Variants in WDR7 observed in about 807,000 individuals in gnomAD.
WDR7 encodes the protein WD repeat-containing protein 7.
Under a neutral mutation model 169.4 loss-of-function variants are expected in WDR7, and 46 were observed. That is an observed-to-expected ratio of 0.27 (90% CI 0.21 to 0.35). WDR7 has a LOEUF of 0.35. WDR7 is among the 10% of genes least tolerant of loss of function. The probability of loss-of-function intolerance (pLI) is 1.00; values close to 1 mark genes in which losing one functional copy is unlikely to be tolerated. For synonymous variants in WDR7, 612 were observed against 666.8 expected, an observed-to-expected ratio of 0.92 and a Z score of 1.27; for missense variants, 1,534 against 1,859.3, an observed-to-expected ratio of 0.83 and a Z score of 3.22.
intron 19 of WDR7, among the ~76,000 whole-genome samples, chr18:56,807,734 A>AAACTC (rs1328184464): frequency 7.4e-5 from 11 of 148,860 alleles, no homozygotes; most frequent in African/African-American, 2.7e-4. Flanking sequence ...ACAAAGATCA[A>AAACTC]AACTCGTGTT....
intron 19 of WDR7, among the ~76,000 whole-genome samples, chr18:56,794,910 A>G (rs1006599829): frequency 9.2e-5 from 14 of 152,058 alleles, no homozygotes; most frequent in Admixed American, 6.6e-4. Flanking sequence ...TTAGGTTTGT[A>G]GTGTGATGAG....
intron 1 of WDR7, among the ~76,000 whole-genome samples, chr18:56,666,830 A>G (rs1413685089): frequency 6.6e-6 from 1 of 151,958 alleles, no homozygotes; most frequent in Admixed American, 6.6e-5. Context: ...ATATCCACCC[A>G]AATAAAAAAT....
chr18:56,994,016 CTT>C (rs35579782), intron 26 of WDR7, among the ~76,000 whole-genome samples: 125 of 129,186 alleles, frequency 9.7e-4, no homozygotes, highest in Middle Eastern at 4.0e-3. Flanking sequence ...CTTTTTTTTT[CTT>C]TTTTTTTTTT....
rs1377617964 is a variant in WDR7, at chr18:56,686,895, A to T, written c.638A>T (p.Tyr213Phe). 1.2e-6 allele frequency: 2 copies of T among 1,609,976 alleles called. No individual in the cohort carries two copies. Among genetic ancestry groups the T allele is most frequent in the Non-Finnish European group, 1.7e-6 (2 of 1,176,566 alleles). The part of the protein sequence containing the change: ...PIFEEESKPI[Y>F]CQNCQSISFC... ...TTTGAGGAGGAATCCAAACCAATTT[A>T]TTGTCAGAATTGCCAAAGCATCTCT... is the stretch of plus-strand genomic sequence containing the variant. The change falls in exon 7 of 28, where the codon TAT becomes TTT. Residue 213 changes from tyrosine (Y) to phenylalanine (F), a missense_variant. Physicochemically the swap from Tyr to Phe is conservative, Grantham distance 22 (BLOSUM62 3). Coordinates refer to ENST00000254442, the MANE Select transcript of WDR7 (RefSeq NM_015285.3).
At chr18:56,874,480 T>A (rs562137597) in intron 20 of WDR7, among the ~76,000 whole-genome samples, 352 of 152,154 alleles carry the variant, frequency 2.3e-3, no homozygotes, top group African/African-American at 8.0e-3. Context: ...CTAGAAGATA[T>A]TTTAATTATT....
At chr18:56,905,719 A>G (rs1050960203) in intron 21 of WDR7, among the ~76,000 whole-genome samples, 5 of 151,834 alleles carry the variant, frequency 3.3e-5, no homozygotes, top group African/African-American at 1.2e-4. Context: ...CTGAGAATCC[A>G]GGAGCGATTT....
intron 12 of WDR7, among the ~76,000 whole-genome samples, chr18:56,716,796 T>G (rs2026201811): frequency 6.6e-6 from 1 of 152,220 alleles, no homozygotes; most frequent in Non-Finnish European, 1.5e-5. Context: ...CACAGCATTC[T>G]AAAGGTTCTT....
At chr18:56,712,387 T>C (rs1433668104) in intron 12 of WDR7, among the ~76,000 whole-genome samples, 2 of 152,248 alleles carry the variant, frequency 1.3e-5, no homozygotes, top group African/African-American at 4.8e-5. Context: ...TCAGCACTAC[T>C]GAGGATTATT....
intron 27 of WDR7, among the ~76,000 whole-genome samples, chr18:57,023,801 A>C (rs1221369642): frequency 6.6e-6 from 1 of 152,174 alleles, no homozygotes; most frequent in Non-Finnish European, 1.5e-5. Flanking sequence ...TCTTACCACC[A>C]CTGTCCAGCA....
chr18:56,733,258 C>T (rs2026627045), intron 14 of WDR7, among the ~76,000 whole-genome samples: 1 of 152,110 alleles, frequency 6.6e-6, no homozygotes, highest in African/African-American at 2.4e-5. Context: ...GAAGCTGAAG[C>T]TGCAGGAGGA....
rs193024149 is a variant in WDR7, at chr18:57,000,006, A to C, written c.4165-20739A>C. Among the ~76,000 whole-genome samples, 1,300 of 152,256 alleles carry C rather than the reference A, an allele frequency of 8.5e-3. 15 individuals are homozygous for C. Among genetic ancestry groups the C allele is most frequent in the African/African-American group, 0.03 (1,233 of 41,534 alleles). ...ACAAATTCCTATCCTCTGGACCTGG[A>C]ACAGTGCTGCAGCTGGCCAGCGTAC... On this transcript the variant is annotated intron_variant, in intron 26 of 27. Transcript: ENST00000254442.
chr18:56,913,498 G>T (rs1176486157), intron 21 of WDR7, among the ~76,000 whole-genome samples: 1 of 151,544 alleles, frequency 6.6e-6, no homozygotes, highest in Non-Finnish European at 1.5e-5. Flanking sequence ...TTTTAATCTA[G>T]AATTCAGACA....
At chr18:56,880,268 A>C in intron 21 of WDR7, 103 bp downstream of exon 21, 1 of 1,146,962 alleles carries the variant, frequency 8.7e-7, no homozygotes, top group Non-Finnish European at 1.2e-6. Flanking sequence ...TAGCTCATTT[A>C]GATTGCTTGC....
At chr18:56,739,691 T>C (rs2043584368) in intron 14 of WDR7, among the ~76,000 whole-genome samples, 2 of 152,106 alleles carry the variant, frequency 1.3e-5, no homozygotes, top group Non-Finnish European at 2.9e-5. Flanking sequence ...TTGCTGATTA[T>C]AGATTTTTAG....
chr18:56,721,072 G>GA (rs1484559771), intron 13 of WDR7, among the ~76,000 whole-genome samples: 2 of 151,842 alleles, frequency 1.3e-5, no homozygotes, highest in Non-Finnish European at 2.9e-5. Flanking sequence ...AATGAAGCTA[G>GA]AAAAAATCAG....
chr18:56,857,148 G>C lies in WDR7; in HGVS notation c.3305-22796G>C, dbSNP rs17090386. ...AAACATTCAGAGTAATTACCTTTCT[G>C]TGTTTTTTATACTAGAGTGGAAGGA... On this transcript the variant is annotated intron_variant, in intron 20 of 27. Coordinates refer to ENST00000254442, the MANE Select transcript of WDR7 (RefSeq NM_015285.3). 9.4e-3 allele frequency among the ~76,000 whole-genome samples: 1,437 copies of C among 152,244 alleles called. 23 individuals carry two copies. Among genetic ancestry groups the C allele is most frequent in the African/African-American group, 0.033 (1,353 of 41,530 alleles).
At chr18:56,672,711 T>C (rs1455586926) in intron 2 of WDR7, 37 bp downstream of exon 2, 1 of 1,528,948 alleles carries the variant, frequency 6.5e-7, no homozygotes, top group Non-Finnish European at 8.8e-7. Context: ...ATTTTAGATA[T>C]AAAAATCTAC....
chr18:57,032,801 T>TTATATATATATATACATATATATATA (rs2048448071), downstream of WDR7: 1 of 106,192 alleles, frequency 9.4e-6, no homozygotes, highest in African/African-American at 3.2e-5. Flanking sequence ...TATAATTATT[T>TTATATATATATATACATATATATATA]TATATATATA....
chr18:56,739,720 T>G (rs1304609488), intron 14 of WDR7, among the ~76,000 whole-genome samples: 1 of 152,056 alleles, frequency 6.6e-6, no homozygotes, highest in Non-Finnish European at 1.5e-5. Flanking sequence ...TCTTTTGCAC[T>G]GTAAAGATTT....
Sources: gnomAD v4.1 joint callset for allele counts (sites outside exome capture counted in the v4.1 genomes callset) on GRCh38, gnomAD v4.1.1 for gene constraint, MANE v1.5 for transcripts, NCBI Gene and HGNC (gene_info 2026-07-23, HGNC 2026-07-21) for gene names.